The following MTBP variants were observed in gnomAD, a reference collection of about 807,000 sequenced individuals.
The protein encoded by MTBP is MDM2 binding protein.
A neutral mutation model predicts 117.0 loss-of-function variants in MTBP; 101 were observed. The ratio of observed to expected loss-of-function variants is 0.86; its 90% CI spans 0.73 to 1.02. MTBP has a LOEUF of 1.02. MTBP is among the 50% of genes least tolerant of loss of function. The pLI is 0.00. For synonymous variants in MTBP, 350 were observed against 351.5 expected (o/e 1.00, Z 0.05); for missense variants, 970 against 1,030.9 (o/e 0.94, Z 0.81).
chr8:120,472,012 T>C (rs946294744), intron 11 of MTBP: 2 of 152,230 alleles, frequency 1.3e-5, no homozygotes, highest in Non-Finnish European at 2.9e-5. Flanking sequence ...TCCATCATAC[T>C]TTGGCCTTGA....
At chr8:120,474,179 C>T (rs1425507831) in intron 11 of MTBP, among the ~76,000 whole-genome samples, 1 of 151,820 alleles carries the variant, frequency 6.6e-6, no homozygotes, top group African/African-American at 2.4e-5. Flanking sequence ...TAATAAGACA[C>T]AGATCACATA....
chr8:120,483,706 A>G (rs1814147261), intron 11 of MTBP, among the ~76,000 whole-genome samples: 1 of 152,166 alleles, frequency 6.6e-6, no homozygotes. Flanking sequence ...CAACTAATAG[A>G]CACTTGGTAG....
intron 4 of MTBP, among the ~76,000 whole-genome samples, chr8:120,453,293 C>G (rs1813399298): frequency 6.6e-6 from 1 of 151,886 alleles, no homozygotes; most frequent in Non-Finnish European, 1.5e-5. Flanking sequence ...TCTACATTAG[C>G]CAGGCATGGT....
chr8:120,502,411 G>A (rs1002386101), intron 14 of MTBP, 81 bp from the exon 15 acceptor site: 4 of 926,346 alleles, frequency 4.3e-6, no homozygotes, highest in Non-Finnish European at 6.6e-6. Context: ...ACGTATGTAT[G>A]TGTCTGTAAA....
At chr8:120,463,639 A>G (rs1813625916) in intron 9 of MTBP, 53 bp from the exon 10 acceptor site, 2 of 1,325,614 alleles carry the variant, frequency 1.5e-6, no homozygotes, top group Admixed American at 2.1e-5. Context: ...TATTTTAAGG[A>G]GTACATTGTT....
At chr8:120,446,919 T>C (rs1480402337) in intron 2 of MTBP, among the ~76,000 whole-genome samples, 1 of 152,192 alleles carries the variant, frequency 6.6e-6, no homozygotes, top group East Asian at 1.9e-4. Flanking sequence ...TCTGATTCTC[T>C]TAAAAGTACT....
In MTBP at chr8:120,459,376, A is replaced by G. The variant is rs772825579; in HGVS notation, c.882+27A>G. The G allele has an allele frequency of 1.3e-5, 20 of 1,579,822 alleles. No homozygotes were observed. In the African/African-American group the frequency reaches 1.4e-4, roughly 11 times the overall value. On this transcript the variant is annotated intron_variant, in intron 8 of 21. Transcript: ENST00000305949. ...TAATCGTGTTTAATTTTTTTGTGTG[A>G]TCATTCATGTGTATTTTTGTTCCTA...
chr8:120,490,891 A>T (rs548112126), intron 13 of MTBP, among the ~76,000 whole-genome samples: 126 of 152,294 alleles, frequency 8.3e-4, no homozygotes, highest in African/African-American at 3.0e-3. Context: ...TCTTGATAAA[A>T]TATCTTTTTA....
chr8:120,516,215 T>C (rs766689971), intron 18 of MTBP, 24 bp downstream of exon 18: 1 of 1,563,492 alleles, frequency 6.4e-7, no homozygotes, highest in South Asian at 1.1e-5. Flanking sequence ...TGCACATAAA[T>C]AGTATATTGA....
chr8:120,491,467 G>GT (rs1445480234), intron 13 of MTBP, among the ~76,000 whole-genome samples: 2 of 151,696 alleles, frequency 1.3e-5, no homozygotes, highest in Admixed American at 6.6e-5. Context: ...TTGGTGTGTT[G>GT]TTTTTTTTAA....
chr8:120,477,429 T>C (rs983504162), intron 11 of MTBP, among the ~76,000 whole-genome samples: 4 of 152,044 alleles, frequency 2.6e-5, no homozygotes, highest in African/African-American at 9.7e-5. Flanking sequence ...AAGAGCTTCT[T>C]CACAGCAAAA....
intron 16 of MTBP, among the ~76,000 whole-genome samples, chr8:120,509,493 T>C (rs1303702012): frequency 6.6e-6 from 1 of 152,064 alleles, no homozygotes. Context: ...TTCTAGCTAC[T>C]CGGGAAGCTG....
At chr8:120,518,147 T>C (rs1814953731) in intron 19 of MTBP, 47 bp downstream of exon 19, 1 of 1,442,682 alleles carries the variant, frequency 6.9e-7, no homozygotes. Flanking sequence ...AGGAAGACTT[T>C]TTAAATTTGA....
chr8:120,520,227 T>A (rs1814990280), intron 20 of MTBP, among the ~76,000 whole-genome samples: 1 of 152,102 alleles, frequency 6.6e-6, no homozygotes, highest in South Asian at 2.1e-4. Flanking sequence ...AGAAAGAAGA[T>A]AATCGCATCC....
intron 4 of MTBP, chr8:120,451,525 A>G (rs1352101205): frequency 2.1e-6 from 1 of 485,114 alleles, no homozygotes; most frequent in African/African-American, 2.0e-5. Flanking sequence ...AATGTCAAGA[A>G]TCATAAAAAG....
Position 120,461,205 on chromosome 8 carries a change from A to G in MTBP, c.927A>G (p.Ile309Met), listed in dbSNP as rs1813575918. Reference protein sequence around the residue: ...YGPALEFVQMIKLSDLPSCYM... With the variant: ...YGPALEFVQMMKLSDLPSCYM... ...CTGCTTTAGAATTTGTGCAGATGAT[A>G]AAATTATCAGATCTACCCTCCTGCT... The change falls in exon 9 of 22, where the codon ATA becomes ATG. Residue 309 changes from isoleucine to methionine, a missense_variant. Ile to Met is a conservative substitution (Grantham distance 10). Coordinates refer to ENST00000305949, the MANE Select transcript of MTBP (RefSeq NM_022045.5). 1.9e-6 allele frequency: 3 copies of G among 1,606,350 alleles called. No individual in the cohort carries two copies. The highest frequency in any genetic ancestry group is 3.3e-5 in the Admixed American group (2 of 59,952).
At chr8:120,449,682 C>T (rs1218147239) in intron 2 of MTBP, among the ~76,000 whole-genome samples, 1 of 152,114 alleles carries the variant, frequency 6.6e-6, no homozygotes, top group East Asian at 1.9e-4. Context: ...AACTGAACAC[C>T]AGTTTTTAAA....
At chr8:120,482,981 G>A (rs2079343240) in intron 11 of MTBP, among the ~76,000 whole-genome samples, 2 of 151,252 alleles carry the variant, frequency 1.3e-5, no homozygotes, top group African/African-American at 2.4e-5. Flanking sequence ...TTACAGGAAT[G>A]AGCCACCGCA....
In MTBP at chr8:120,504,019, A is replaced by C. The variant is rs534116674; in HGVS notation, c.1727+1410A>C. Among the ~76,000 whole-genome samples the C allele has an allele frequency of 6.0e-4, 91 of 152,232 alleles. 1 individual carries two copies. Among genetic ancestry groups the C allele is most frequent in the African/African-American group, 2.1e-3 (86 of 41,564 alleles). ...TGATACGTTTGATCTATCCAAGTGG[A>C]AATAACAAGTGGACTGTGGGGATAT... On this transcript the variant is annotated intron_variant, in intron 15 of 21. Coordinates refer to ENST00000305949, the MANE Select transcript of MTBP (RefSeq NM_022045.5).
Sources: gnomAD v4.1 joint callset for allele counts (sites outside exome capture counted in the v4.1 genomes callset) on GRCh38, gnomAD v4.1.1 for gene constraint, MANE v1.5 for transcripts, NCBI Gene and HGNC (gene_info 2026-07-23, HGNC 2026-07-21) for gene names.